The following SNX27 variants were observed in gnomAD, a reference collection of about 807,000 sequenced individuals.
The protein encoded by SNX27 is sorting nexin-27.
Under a neutral mutation model 71.6 loss-of-function variants are expected in SNX27, and 22 were observed. That is an observed-to-expected ratio of 0.31 (90% CI 0.22 to 0.44). The LOEUF (loss-of-function observed/expected upper bound fraction) is 0.44, where lower values mean the gene tolerates loss of function less well. Ranked by LOEUF, SNX27 falls within the 20% of genes least tolerant of loss-of-function variation. The pLI, the probability that SNX27 is intolerant of heterozygous loss-of-function variation, is 1.00. For synonymous variants in SNX27, 269 were observed against 277.2 expected, an observed-to-expected ratio of 0.97 and a Z score of 0.29; for missense variants, 531 against 698.6, an observed-to-expected ratio of 0.76 and a Z score of 2.70.
rs149149190 is a variant in SNX27, at chr1:151,693,659, G to C, written c.1578+176G>C. 5.1e-4 allele frequency: 823 copies of C among 1,612,774 alleles called. 6 individuals carry two copies. The African/African-American group carries it at 0.01, about 20-fold the overall frequency. On this transcript the variant is annotated intron_variant, in intron 11 of 11. Coordinates refer to ENST00000458013, the MANE Select transcript of SNX27 (RefSeq NM_001330723.2). ...ATTCTTCCAGCAAGGTTGGCCTCTG[G>C]ATGGTGAACGGGCTGTGCAAAAAAG...
At position 151,658,257 on chromosome 1, in the gene SNX27, G is replaced by A; in HGVS notation, c.566G>A (p.Gly189Glu). Reference protein sequence around the residue: ...KFVVYNVYMAGRQLCSKRYRE... With the variant: ...KFVVYNVYMAERQLCSKRYRE... ...CAGGTATATAATGTTTACATGGCAG[G>A]GAGGCAGCTGTGTTCTAAGCGGTAC... The change falls in exon 3 of 12, where the codon GGG becomes GAG. Residue 189 changes from glycine (G) to glutamate (E), a missense_variant. Gly to Glu is a moderately conservative substitution (Grantham distance 98). Coordinates refer to ENST00000458013, the MANE Select transcript of SNX27 (RefSeq NM_001330723.2). 6.2e-7 allele frequency: 1 copy of A among 1,610,786 alleles called. No individual in the cohort carries two copies. The highest frequency in any genetic ancestry group is 1.3e-5 in the African/African-American group (1 of 74,768).
At position 151,623,865 on chromosome 1, in the gene SNX27, A is replaced by G. The variant is rs370504037; in HGVS notation, c.311+11353A>G. ...CAGACAAAATAAATCAGTGTTTTAT[A>G]TTTTTGGAGCATCAGAACTTACTTT... On this transcript the variant is annotated intron_variant, in intron 1 of 11. Coordinates refer to ENST00000458013, the MANE Select transcript of SNX27 (RefSeq NM_001330723.2). Among the ~76,000 whole-genome samples the G allele has an allele frequency of 7.9e-5, 12 of 152,326 alleles. No homozygotes were observed. The East Asian group carries it at 1.7e-3, about 22-fold the overall frequency.
chr1:151,669,542 C>G (rs1490276092), intron 7 of SNX27, among the ~76,000 whole-genome samples: 9 of 152,182 alleles, frequency 5.9e-5, no homozygotes, highest in Non-Finnish European at 1.0e-4. Context: ...CTGAAGAAAT[C>G]TCCTGTGGAG....
At chr1:151,636,116 A>G (rs1038157940) in intron 1 of SNX27, among the ~76,000 whole-genome samples, 1 of 152,190 alleles carries the variant, frequency 6.6e-6, no homozygotes, top group Admixed American at 6.6e-5. Flanking sequence ...TTTTACATAC[A>G]AATTTTGTAG....
At chr1:151,646,249 A>G (rs1269319365) in intron 2 of SNX27, among the ~76,000 whole-genome samples, 8 of 152,132 alleles carry the variant, frequency 5.3e-5, no homozygotes, top group African/African-American at 1.9e-4. Context: ...ATACATTTAT[A>G]ATTAAACTGG....
chr1:151,684,356 A>C (rs1671097927), intron 8 of SNX27, among the ~76,000 whole-genome samples: 1 of 152,238 alleles, frequency 6.6e-6, no homozygotes, highest in Non-Finnish European at 1.5e-5. Flanking sequence ...GTGCACAGTG[A>C]ATAGCTAGCA....
At chr1:151,673,442 A>G (rs113304473) in intron 7 of SNX27, among the ~76,000 whole-genome samples, 3,516 of 152,254 alleles carry the variant, frequency 0.023, 130 homozygotes, top group African/African-American at 0.078. Context: ...TTGTGACCTA[A>G]CATATGGTCT....
intron 8 of SNX27, among the ~76,000 whole-genome samples, chr1:151,690,297 GTGTT>G (rs545837140): frequency 3.9e-4 from 59 of 152,252 alleles, no homozygotes; most frequent in Non-Finnish European, 6.0e-4. Flanking sequence ...GGAGATTTGT[GTGTT>G]TGTTTGTTTT....
intron 7 of SNX27, among the ~76,000 whole-genome samples, chr1:151,675,612 C>G (rs1011985090): frequency 1.5e-4 from 22 of 151,516 alleles, no homozygotes; most frequent in African/African-American, 5.1e-4. Flanking sequence ...GCCTGGGACT[C>G]CTGGGCTCCA....
chr1:151,615,409 C>G (rs1667383014), intron 1 of SNX27, among the ~76,000 whole-genome samples: 1 of 151,106 alleles, frequency 6.6e-6, no homozygotes, highest in Admixed American at 6.6e-5. Flanking sequence ...TTTAGGGTTT[C>G]AAGTGAGAGG....
rs752778311 is a variant in SNX27, at chr1:151,638,968, C to T, written c.392C>T (p.Thr131Ile). 5.0e-6 allele frequency: 8 copies of T among 1,614,146 alleles called. No individual in the cohort carries two copies. Among genetic ancestry groups the T allele is most frequent in the Non-Finnish European group, 6.8e-6 (8 of 1,180,038 alleles). ...GCAGGCGAGAAGGAATTGATCTTGACAGTGTTATCTGTACCTCCTCATGAG... is the reference window on the plus strand; with the variant it reads ...GCAGGCGAGAAGGAATTGATCTTGATAGTGTTATCTGTACCTCCTCATGAG... ...IRAGEKELIL[T>I]VLSVPPHEAD... The change falls in exon 2 of 12, where the codon ACA becomes ATA. Residue 131 changes from threonine to isoleucine, a missense_variant. Physicochemically the swap from Thr to Ile is moderately conservative, Grantham distance 89 (BLOSUM62 -1). Coordinates refer to ENST00000458013, the MANE Select transcript of SNX27 (RefSeq NM_001330723.2).
intron 10 of SNX27, 121 bp from the exon 11 acceptor site, chr1:151,693,303 G>C: frequency 1.8e-6 from 2 of 1,085,548 alleles, no homozygotes; most frequent in Non-Finnish European, 2.8e-6. Flanking sequence ...TATGGTACTT[G>C]TCAGGGTTTT....
At chr1:151,689,726 T>C (rs1281341479) in intron 8 of SNX27, among the ~76,000 whole-genome samples, 1 of 152,208 alleles carries the variant, frequency 6.6e-6, no homozygotes, top group Admixed American at 6.5e-5. Context: ...TGGAGCAGAA[T>C]TGCTGCTTAT....
chr1:151,694,693 T>C lies in SNX27; in HGVS notation c.*276T>C, dbSNP rs1671621278. ...CAACTTGCCAAAGGTATCTTTGTCC[T>C]TTCACCTGGGCCTCATACCAACAGC... is the stretch of plus-strand genomic sequence containing the variant. On this transcript the variant is annotated 3_prime_UTR_variant, in exon 12 of 12. Transcript: ENST00000458013. 1 of 368,978 alleles carries C rather than the reference T, an allele frequency of 2.7e-6. No homozygotes were observed. Among genetic ancestry groups the C allele is most frequent in the Non-Finnish European group, 4.9e-6 (1 of 204,934 alleles). 22.9% of individuals were successfully genotyped at this position (368,978 alleles called of 1,614,324 possible).
Position 151,696,258 on chromosome 1 carries a change from G to A in SNX27, c.*1841G>A, listed in dbSNP as rs150755290. ...TAATGCATAAGAAGCACCAAGTCAG[G>A]CTCAGATGCAACTAAAACACATCTT... is the stretch of plus-strand genomic sequence containing the variant. On this transcript the variant is annotated 3_prime_UTR_variant, in exon 12 of 12. Transcript: ENST00000458013. 1 of 152,278 alleles carries A rather than the reference G, an allele frequency of 6.6e-6. No individual in the cohort carries two copies. Among genetic ancestry groups the A allele is most frequent in the East Asian group, 1.9e-4 (1 of 5,182 alleles). 9.4% of individuals were successfully genotyped at this position (152,278 alleles called of 1,614,324 possible). A position where few individuals can be genotyped will look rare whatever the true frequency, so the allele number is the denominator to read the frequency against.
chr1:151,662,313 A>C, intron 5 of SNX27, 43 bp downstream of exon 5: 1 of 1,340,184 alleles, frequency 7.5e-7, no homozygotes, highest in Non-Finnish European at 1.1e-6. Flanking sequence ...GATGGTGTGA[A>C]GCTAAGGAAG....
In SNX27 at chr1:151,665,314, A is replaced by G. The variant is rs115348520; in HGVS notation, c.907-619A>G. On this transcript the variant is annotated intron_variant, in intron 5 of 11. Coordinates refer to ENST00000458013, the MANE Select transcript of SNX27 (RefSeq NM_001330723.2). ...AGTGATTCTTGTTTAATATGCCTTT[A>G]TTGTCCCAGCATTTTGCTATTTTAT... Among the ~76,000 whole-genome samples the G allele has an allele frequency of 5.6e-3, 849 of 152,218 alleles. 7 individuals carry two copies. Among genetic ancestry groups the G allele is most frequent in the African/African-American group, 0.02 (814 of 41,528 alleles).
chr1:151,656,855 AG>A (rs1452208989), intron 2 of SNX27, among the ~76,000 whole-genome samples: 1 of 152,224 alleles, frequency 6.6e-6, no homozygotes, highest in Non-Finnish European at 1.5e-5. Flanking sequence ...AACTGAAAAA[AG>A]TAAGTCCTTT....
intron 5 of SNX27, among the ~76,000 whole-genome samples, chr1:151,664,593 C>G (rs979833659): frequency 6.6e-6 from 1 of 152,044 alleles, no homozygotes. Context: ...TTAATCCTAA[C>G]TTGATCAGAA....
Sources: gnomAD v4.1 joint callset for allele counts (sites outside exome capture counted in the v4.1 genomes callset) on GRCh38, gnomAD v4.1.1 for gene constraint, MANE v1.5 for transcripts, NCBI Gene and HGNC (gene_info 2026-07-23, HGNC 2026-07-21) for gene names.